MICAL3: variants seen among roughly 807,000 people sequenced by gnomAD.
MICAL3 encodes the protein [F-actin]-monooxygenase MICAL3.
In MICAL3, 62 loss-of-function variants were observed where a neutral mutation model predicts 207.4. That is an observed-to-expected ratio of 0.30 (90% CI 0.24 to 0.37). The LOEUF (loss-of-function observed/expected upper bound fraction) is 0.37. Among genes scored for constraint, MICAL3 ranks in the 10% least tolerant of loss-of-function variants. MICAL3 has a pLI of 1.00. For synonymous variants in MICAL3, 1,077 were observed against 1,069.3 expected, an observed-to-expected ratio of 1.01 and a Z score of -0.14; for missense variants, 2,368 against 2,635.6, an observed-to-expected ratio of 0.90 and a Z score of 2.22.
chr22:17,924,938 A>G (rs923592069), intron 1 of MICAL3, among the ~76,000 whole-genome samples: 1 of 152,188 alleles, frequency 6.6e-6, no homozygotes, highest in African/African-American at 2.4e-5. Context: ...GTATTTCTTT[A>G]TAACAACACA....
At chr22:17,922,070 T>C (rs1055694507) in intron 1 of MICAL3, among the ~76,000 whole-genome samples, 4 of 152,116 alleles carry the variant, frequency 2.6e-5, no homozygotes, top group African/African-American at 9.7e-5. Flanking sequence ...CAGCTCAGCA[T>C]TCCGGACCTC....
At chr22:17,795,818 T>C (rs2061870340) in intron 29 of MICAL3, among the ~76,000 whole-genome samples, 1 of 130,962 alleles carries the variant, frequency 7.6e-6, no homozygotes, top group South Asian at 2.4e-4. Context: ...AATACAATTT[T>C]CAAAAGAAGA....
chr22:17,835,481 C>T (rs1445466515), intron 20 of MICAL3, among the ~76,000 whole-genome samples: 2 of 152,220 alleles, frequency 1.3e-5, no homozygotes, highest in East Asian at 3.8e-4. Flanking sequence ...GTGCGTCACA[C>T]ACAAGATTCA....
At chr22:17,842,161 C>T (rs1924082441) in intron 19 of MICAL3, 144 bp from the exon 20 acceptor site, 2 of 726,532 alleles carry the variant, frequency 2.8e-6, no homozygotes, top group African/African-American at 3.5e-5. Flanking sequence ...TGCCAGAGGC[C>T]AGAGAAGGAC....
intron 24 of MICAL3, 85 bp downstream of exon 24, chr22:17,821,945 G>A (rs1921696160): frequency 2.0e-6 from 3 of 1,534,238 alleles, no homozygotes; most frequent in African/African-American, 2.7e-5. Context: ...CTGCTCTGAA[G>A]CGCCTGGCCC....
chr22:17,853,856 C>T (rs575630665), intron 19 of MICAL3, among the ~76,000 whole-genome samples: 136 of 152,324 alleles, frequency 8.9e-4, no homozygotes, highest in African/African-American at 3.1e-3. Context: ...TGCAGGTCTG[C>T]CTTCTAAAAT....
intron 25 of MICAL3, 86 bp downstream of exon 25, chr22:17,821,341 C>A: frequency 8.1e-7 from 1 of 1,233,582 alleles, no homozygotes; most frequent in Non-Finnish European, 1.1e-6. Context: ...GGGACCCACA[C>A]CATGGGCCCT....
chr22:17,818,458 C>G lies in MICAL3; in HGVS notation c.4203G>C (p.Leu1401=), dbSNP rs1354044687. The G allele has an allele frequency of 6.2e-7, 1 of 1,612,934 alleles. No individual in the cohort carries two copies. The highest frequency in any genetic ancestry group is 8.5e-7 in the Non-Finnish European group (1 of 1,179,904). ...TGTCGGACGGGGACCGGGGGGTTGG[C>G]AGGGACAACGGCTCGCCTTCCGGCT... ...LPKPEGEPLS[L]PTPRSPSDRE... The change falls in exon 26 of 32, where the codon CTG becomes CTC. Residue 1401 remains leucine, a synonymous_variant. Transcript: ENST00000441493.
chr22:17,952,069 A>G (rs1934376645), intron 1 of MICAL3, among the ~76,000 whole-genome samples: 2 of 152,140 alleles, frequency 1.3e-5, no homozygotes, highest in Admixed American at 1.3e-4. Flanking sequence ...ATGCATGAAC[A>G]CCCAGGGTGG....
chr22:17,881,186 A>C, intron 16 of MICAL3: 2 of 1,583,740 alleles, frequency 1.3e-6, no homozygotes, highest in Non-Finnish European at 1.7e-6. Context: ...AGGAACATGG[A>C]GCATGCAGAG....
chr22:17,924,318 G>A (rs951381670), intron 1 of MICAL3, among the ~76,000 whole-genome samples: 7 of 152,092 alleles, frequency 4.6e-5, no homozygotes, highest in Non-Finnish European at 1.0e-4. Flanking sequence ...CACAGCCAGC[G>A]GATCAGGCAC....
chr22:17,979,750 C>T (rs1935820535), intron 1 of MICAL3, among the ~76,000 whole-genome samples: 1 of 151,060 alleles, frequency 6.6e-6, no homozygotes, highest in African/African-American at 2.4e-5. Context: ...AACTGGAGTG[C>T]TGCTATGAGG....
chr22:17,956,382 A>G (rs1468588008), intron 1 of MICAL3, among the ~76,000 whole-genome samples: 1 of 152,146 alleles, frequency 6.6e-6, no homozygotes, highest in Non-Finnish European at 1.5e-5. Flanking sequence ...ACAGAAATCC[A>G]TGCACTACCG....
chr22:17,808,763 G>T, intron 29 of MICAL3, 81 bp downstream of exon 29: 1 of 1,145,740 alleles, frequency 8.7e-7, no homozygotes, highest in Non-Finnish European at 1.3e-6. Flanking sequence ...AATTCCAGGT[G>T]AGGTGAAGCA....
intron 1 of MICAL3, among the ~76,000 whole-genome samples, chr22:17,932,134 A>G (rs10439896): frequency 0.012 from 1,841 of 152,318 alleles, 38 homozygotes; most frequent in African/African-American, 0.042. Flanking sequence ...AGAACACCAC[A>G]AAGATACTCC....
rs752469847 is a variant in MICAL3, at chr22:17,841,925, G to C, written c.2698C>G (p.Leu900Val). The stretch of plus-strand genomic sequence containing the variant: ...TCCTGCAGTGCCTCAGCCTGCCTCA[G>C]GGACAGGCGGTAGTTCTCCAGCTCG... ...RIELENYRLS[L>V]RQAEALQEVP... Residue 900 changes from leucine (L) to valine (V), a missense_variant, in exon 20 of 32, where the codon CTG (leucine) becomes GTG (valine). Leu to Val is a conservative substitution (Grantham distance 32). This residue lies in a region of MICAL3 where 1,770 missense variants were observed against 1,863.2 expected (regional missense o/e 0.95). Transcript: ENST00000441493. The surrounding 1 kb of genome is among the most constrained non-coding windows in gnomAD (Gnocchi z 4.2). 6.2e-7 allele frequency: 1 copy of C among 1,600,388 alleles called. No homozygotes were observed. The highest frequency in any genetic ancestry group is 2.3e-5 in the East Asian group (1 of 44,378).
intron 16 of MICAL3, among the ~76,000 whole-genome samples, chr22:17,879,678 A>G (rs1198247582): frequency 6.6e-6 from 1 of 152,218 alleles, no homozygotes; most frequent in Non-Finnish European, 1.5e-5. Context: ...TGGAACAAGC[A>G]TATTTCTTTC....
At chr22:17,993,832 G>A (rs1204262072) in intron 1 of MICAL3, among the ~76,000 whole-genome samples, 4 of 132,086 alleles carry the variant, frequency 3.0e-5, no homozygotes, top group Non-Finnish European at 4.8e-5. Context: ...AAGACAGGAA[G>A]CGGTGACCCC....
At chr22:17,875,627 A>G in intron 16 of MICAL3, 1 of 883,062 alleles carries the variant, frequency 1.1e-6, no homozygotes, top group Non-Finnish European at 1.7e-6. Context: ...ACCTCTGAAC[A>G]TAAGATGGTT....
Sources: gnomAD v4.1 joint callset for allele counts (sites outside exome capture counted in the v4.1 genomes callset) on GRCh38, gnomAD v4.1.1 for gene constraint, gnomAD v4.1.1 regional missense constraint, Gnocchi (gnomAD v3.1) non-coding constraint, MANE v1.5 for transcripts, NCBI Gene and HGNC (gene_info 2026-07-23, HGNC 2026-07-21) for gene names.